The following USP8 variants were observed in gnomAD, a reference collection of about 807,000 sequenced individuals.
USP8 encodes ubiquitin carboxyl-terminal hydrolase 8.
USP8 carries 27 observed loss-of-function variants against 130.0 expected under a neutral mutation model. The ratio of observed to expected loss-of-function variants is 0.21; its 90% CI spans 0.15 to 0.29. The LOEUF (loss-of-function observed/expected upper bound fraction) is 0.29, where lower values mean the gene tolerates loss of function less well. USP8 is among the 10% of genes least tolerant of loss of function. USP8 has a pLI of 1.00. For synonymous variants in USP8, 392 were observed against 444.1 expected (o/e 0.88, Z 1.48); for missense variants, 1,029 against 1,312.2 (o/e 0.78, Z 3.33).
chr15:50,452,196 T>C (rs1392881057), intron 4 of USP8, among the ~76,000 whole-genome samples: 1 of 152,272 alleles, frequency 6.6e-6, no homozygotes, highest in Non-Finnish European at 1.5e-5. Flanking sequence ...CTTATTATTA[T>C]CTTTTTTCAT....
At chr15:50,487,093 C>T (rs1212268616) in intron 12 of USP8, among the ~76,000 whole-genome samples, 4 of 151,652 alleles carry the variant, frequency 2.6e-5, no homozygotes, top group Non-Finnish European at 4.4e-5. Flanking sequence ...TACTGCACTC[C>T]AGCCTGGGCA....
chr15:50,437,292 C>G (rs367588309), intron 1 of USP8, among the ~76,000 whole-genome samples: 1 of 152,140 alleles, frequency 6.6e-6, no homozygotes, highest in Admixed American at 6.6e-5. Context: ...ATGTATCTCC[C>G]TGATTACAAC....
rs2052759758 is a variant in USP8, at chr15:50,513,168, A to G, written c.*14080A>G. ...GGTATAATCACTTGTAGAAAGTTAAATATGCACATACTTTATGATCTAAGT... is the reference window on the plus strand; with the variant it reads ...GGTATAATCACTTGTAGAAAGTTAAGTATGCACATACTTTATGATCTAAGT... On this transcript the variant is annotated 3_prime_UTR_variant, in exon 20 of 20. Coordinates refer to ENST00000307179, the MANE Select transcript of USP8 (RefSeq NM_005154.5). 6.6e-6 allele frequency: 1 copy of G among 152,216 alleles called. No individual in the cohort carries two copies. The highest frequency in any genetic ancestry group is 1.5e-5 in the Non-Finnish European group (1 of 68,034). The allele number at this position is 152,216 out of a possible 1,614,324, so 9.4% of individuals were successfully genotyped here.
chr15:50,444,676 T>G (rs2141260553), intron 3 of USP8: 1 of 152,306 alleles, frequency 6.6e-6, no homozygotes, highest in South Asian at 2.1e-4. Context: ...TATGATTCAG[T>G]AGTTCATTTC....
rs2051592758 is a variant in USP8, at chr15:50,477,083, T to A, written c.994+90T>A. ...GGTAACATTCTTGGTTGTGTGTGTA[T>A]TTGTCCTATTAGAGAGCAGTTTGTT... On this transcript the variant is annotated intron_variant, in intron 9 of 19. Coordinates refer to ENST00000307179, the MANE Select transcript of USP8 (RefSeq NM_005154.5). 2.0e-6 allele frequency: 3 copies of A among 1,518,822 alleles called. No individual in the cohort carries two copies. The East Asian group carries it at 6.9e-5, about 35-fold the overall frequency. 94.1% of individuals were successfully genotyped at this position (1,518,822 alleles called of 1,614,324 possible).
chr15:50,488,310 C>CATGTGGAT (rs2052031774), intron 12 of USP8, among the ~76,000 whole-genome samples: 1 of 152,056 alleles, frequency 6.6e-6, no homozygotes, highest in Non-Finnish European at 1.5e-5. Flanking sequence ...CATCTTTTTG[C>CATGTGGAT]ATGTGGATAT....
chr15:50,441,404 C>G lies in USP8; in HGVS notation c.160C>G (p.Arg54Gly), dbSNP rs1287934732. 6 of 1,610,188 alleles carry G rather than the reference C, an allele frequency of 3.7e-6. No homozygotes were observed. Among genetic ancestry groups the G allele is most frequent in the South Asian group, 1.1e-5 (1 of 90,442 alleles). ...FKTAEECRLD[R>G]DEERAYVLYM... is the part of the protein sequence containing the mutation. ...GACAGCAGAAGAATGCAGATTAGAT[C>G]GTGATGAGGAAAGGGCCTATGTACT... Residue 54 changes from arginine to glycine, a missense_variant, in exon 3 of 20, where the codon CGT becomes GGT. Around this residue, in one of 4 missense-constraint regions of USP8, gnomAD observed 281 missense variants for 336.7 expected, o/e 0.83. Coordinates refer to ENST00000307179, the MANE Select transcript of USP8 (RefSeq NM_005154.5).
At position 50,496,000 on chromosome 15, in the gene USP8, C is replaced by T. The variant is rs1360684905; in HGVS notation, c.2811C>T (p.Leu937=). ...QGQFKSTVQC[L]TCHKKSRTFE... ...AATTCAAATCTACAGTACAGTGCCTCACATGTCACAAAAAGTCTAGGACAT... is the reference window on the plus strand; with the variant it reads ...AATTCAAATCTACAGTACAGTGCCTTACATGTCACAAAAAGTCTAGGACAT... The change falls in exon 17 of 20, where the codon CTC becomes CTT. Residue 937 remains leucine (L), a synonymous_variant. Transcript: ENST00000307179. 3.1e-6 allele frequency: 5 copies of T among 1,613,812 alleles called. No homozygotes were observed. Among genetic ancestry groups the T allele is most frequent in the Non-Finnish European group, 4.2e-6 (5 of 1,179,996 alleles).
At chr15:50,468,484 C>A (rs2051269602) in intron 7 of USP8, among the ~76,000 whole-genome samples, 1 of 152,024 alleles carries the variant, frequency 6.6e-6, no homozygotes, top group Non-Finnish European at 1.5e-5. Context: ...CTCAAGTGAT[C>A]CACCGGCATC....
At chr15:50,490,189 T>C (rs948962885) in intron 13 of USP8, 74 bp from the exon 14 acceptor site, 3 of 1,418,540 alleles carry the variant, frequency 2.1e-6, no homozygotes, top group Non-Finnish European at 2.9e-6. Context: ...CAGAATACTT[T>C]GGAGTGATTT....
At chr15:50,495,061 CAT>C (rs1488149846) in intron 16 of USP8, among the ~76,000 whole-genome samples, 1 of 150,884 alleles carries the variant, frequency 6.6e-6, no homozygotes, top group Non-Finnish European at 1.5e-5. Flanking sequence ...CCAAATGACT[CAT>C]GTGACTAGTT....
intron 8 of USP8, among the ~76,000 whole-genome samples, chr15:50,473,818 A>ATT (rs569435481): frequency 1.1e-3 from 160 of 149,410 alleles, no homozygotes; most frequent in Non-Finnish European, 2.1e-3. Flanking sequence ...ATATATATAT[A>ATT]TATTTTTTTA....
intron 4 of USP8, among the ~76,000 whole-genome samples, chr15:50,457,236 T>C (rs996247126): frequency 1.3e-5 from 2 of 152,150 alleles, no homozygotes; most frequent in African/African-American, 4.8e-5. Context: ...TATTTAGAAA[T>C]TTTTCATTTT....
intron 4 of USP8, among the ~76,000 whole-genome samples, chr15:50,456,557 G>A (rs963431759): frequency 6.9e-6 from 1 of 144,926 alleles, no homozygotes; most frequent in African/African-American, 2.5e-5. Context: ...CCAGGTGACA[G>A]TGTGAGACTC....
At position 50,497,237 on chromosome 15, in the gene USP8, G is replaced by A. The variant is rs185890032; in HGVS notation, c.3038+6G>A. The A allele has an allele frequency of 6.9e-6, 11 of 1,595,762 alleles. No homozygotes were observed. The East Asian group carries it at 2.0e-4, about 29-fold the overall frequency. On this transcript the variant is annotated splice_donor_region_variant and intron_variant, in intron 18 of 19. Transcript: ENST00000307179. ...CTTTTAGTGCATCTGAAACGGTAAAGGGGAAAGTTTGTCCTCCTGTTCAGT... is the reference window on the plus strand; with the variant it reads ...CTTTTAGTGCATCTGAAACGGTAAAAGGGAAAGTTTGTCCTCCTGTTCAGT...
chr15:50,427,181 C>G lies in USP8; in HGVS notation c.-66+2667C>G, dbSNP rs560580553. 8.5e-5 allele frequency among the ~76,000 whole-genome samples: 13 copies of G among 152,244 alleles called. No homozygotes were observed. The South Asian group carries it at 2.3e-3, about 27-fold the overall frequency. On this transcript the variant is annotated intron_variant, in intron 1 of 19. Transcript: ENST00000307179. ...CTTGATCTCTTGACCTGTGATCCAC[C>G]TGCCTCAACCTCCGAAAGTGCTGGA...
At chr15:50,487,820 CTAT>C (rs1199865986) in intron 12 of USP8, among the ~76,000 whole-genome samples, 4 of 152,168 alleles carry the variant, frequency 2.6e-5, no homozygotes, top group Admixed American at 6.5e-5. Flanking sequence ...TGAGCAACTA[CTAT>C]GTCTCTAGCA....
At chr15:50,465,806 A>G (rs755551282) in intron 7 of USP8, among the ~76,000 whole-genome samples, 14 of 152,218 alleles carry the variant, frequency 9.2e-5, no homozygotes, top group Admixed American at 2.0e-4. Flanking sequence ...GCCAGACTCT[A>G]TTCAAATAAC....
rs1025590831 is a variant in USP8, at chr15:50,512,034, T to C, written c.*12946T>C. The C allele has an allele frequency of 3.9e-5, 6 of 151,956 alleles. No individual in the cohort carries two copies. Among genetic ancestry groups the C allele is most frequent in the Non-Finnish European group, 8.8e-5 (6 of 67,990 alleles). 9.4% of individuals were successfully genotyped at this position (151,956 alleles called of 1,614,324 possible). On this transcript the variant is annotated 3_prime_UTR_variant, in exon 20 of 20. Coordinates refer to ENST00000307179, the MANE Select transcript of USP8 (RefSeq NM_005154.5). ...AATAAAATTTTAAAAATACGCAGAA[T>C]AGGCACATCTATAGAAATATATAAA...
Sources: gnomAD v4.1 joint callset for allele counts (sites outside exome capture counted in the v4.1 genomes callset) on GRCh38, gnomAD v4.1.1 for gene constraint, gnomAD v4.1.1 regional missense constraint, MANE v1.5 for transcripts, NCBI Gene and HGNC (gene_info 2026-07-23, HGNC 2026-07-21) for gene names.